The following CHCHD6 variants were observed in gnomAD, a reference collection of about 807,000 sequenced individuals.
CHCHD6 encodes coiled-coil-helix-coiled-coil-helix domain containing 6, also known as MICOS complex subunit MIC25.
CHCHD6 carries 28 observed loss-of-function variants against 32.3 expected under a neutral mutation model. That is an observed-to-expected ratio of 0.87 (90% CI 0.64 to 1.19). The LOEUF (loss-of-function observed/expected upper bound fraction) is 1.19. Among genes scored for constraint, CHCHD6 ranks in the 50% most tolerant of loss-of-function variants. The pLI is 0.00. For missense variants in CHCHD6, 333 were observed against 307.0 expected, an observed-to-expected ratio of 1.08 and a Z score of -0.63; for synonymous variants, 122 against 117.5, an observed-to-expected ratio of 1.04 and a Z score of -0.25.
chr3:126,898,034 C>T (rs949188066), intron 5 of CHCHD6, among the ~76,000 whole-genome samples: 7 of 152,208 alleles, frequency 4.6e-5, no homozygotes, highest in East Asian at 1.9e-4. Flanking sequence ...AAACCTGTCT[C>T]GCAAATACTG....
chr3:126,725,020 ACTT>A (rs1268034641), intron 1 of CHCHD6, among the ~76,000 whole-genome samples: 1 of 152,138 alleles, frequency 6.6e-6, no homozygotes, highest in East Asian at 1.9e-4. Context: ...GTTGGAATCT[ACTT>A]CTTTTAGACT....
At chr3:126,724,037 A>G (rs1182883835) in intron 1 of CHCHD6, among the ~76,000 whole-genome samples, 1 of 152,174 alleles carries the variant, frequency 6.6e-6, no homozygotes, top group Non-Finnish European at 1.5e-5. Context: ...TAAATGAATG[A>G]GAGTTTTGGT....
intron 4 of CHCHD6, among the ~76,000 whole-genome samples, chr3:126,808,912 T>C (rs1447823653): frequency 1.3e-5 from 2 of 152,206 alleles, no homozygotes; most frequent in African/African-American, 2.4e-5. Flanking sequence ...GCAGATGTTA[T>C]TGTCCGCAAG....
intron 6 of CHCHD6, among the ~76,000 whole-genome samples, chr3:126,955,636 C>T (rs1017303555): frequency 6.6e-6 from 1 of 152,174 alleles, no homozygotes; most frequent in Non-Finnish European, 1.5e-5. Context: ...CATCCCTCCC[C>T]GTCTTTAATT....
At chr3:126,862,512 C>T (rs1420465224) in intron 5 of CHCHD6, among the ~76,000 whole-genome samples, 3 of 138,676 alleles carry the variant, frequency 2.2e-5, no homozygotes, top group Admixed American at 7.1e-5. Flanking sequence ...CCCCCTCCTC[C>T]ACCATCACCA....
intron 6 of CHCHD6, among the ~76,000 whole-genome samples, chr3:126,923,023 T>A (rs1350983623): frequency 6.6e-6 from 1 of 152,130 alleles, no homozygotes; most frequent in East Asian, 1.9e-4. Flanking sequence ...TTCTGTCTTG[T>A]CCCCAGGGCA....
At chr3:126,738,965 C>T (rs1246018151) in intron 4 of CHCHD6, among the ~76,000 whole-genome samples, 3 of 152,106 alleles carry the variant, frequency 2.0e-5, no homozygotes, top group African/African-American at 4.8e-5. Context: ...AAGTATACTA[C>T]CTGACATTCA....
At chr3:126,893,498 GT>G (rs2077794775) in intron 5 of CHCHD6, among the ~76,000 whole-genome samples, 2 of 152,214 alleles carry the variant, frequency 1.3e-5, no homozygotes, top group Admixed American at 1.3e-4. Context: ...ATGCCTAATA[GT>G]TTCCATTTCT....
chr3:126,910,183 G>A (rs765891727), intron 5 of CHCHD6, among the ~76,000 whole-genome samples: 61 of 150,038 alleles, frequency 4.1e-4, no homozygotes, highest in Non-Finnish European at 7.4e-4. Flanking sequence ...TGGCTCTGAG[G>A]TGGAGAGATA....
At chr3:126,916,746 G>A (rs2078176878) in intron 6 of CHCHD6, among the ~76,000 whole-genome samples, 1 of 152,234 alleles carries the variant, frequency 6.6e-6, no homozygotes, top group African/African-American at 2.4e-5. Flanking sequence ...TGGAATCACA[G>A]AACATTGAGA....
chr3:126,795,780 C>T (rs1938764244), intron 4 of CHCHD6, among the ~76,000 whole-genome samples: 1 of 152,166 alleles, frequency 6.6e-6, no homozygotes, highest in African/African-American at 2.4e-5. Context: ...TGCCACTTCT[C>T]TCCTGACCTT....
In CHCHD6 at chr3:126,733,097, G is replaced by A; in HGVS notation, c.286G>A (p.Ala96Thr). 3 of 1,614,220 alleles carry A rather than the reference G, an allele frequency of 1.9e-6. No homozygotes were observed. Among genetic ancestry groups the A allele is most frequent in the Non-Finnish European group, 2.5e-6 (3 of 1,180,026 alleles). The change falls in exon 4 of 8, where the codon GCT (alanine) becomes ACT (threonine). Residue 96 changes from alanine to threonine, a missense_variant. Physicochemically the swap from Ala to Thr is moderately conservative, Grantham distance 58 (BLOSUM62 0). Transcript: ENST00000290913. ...GCACAGGTATGAACAGGAGCATGCT[G>A]CTATCCAGGATAAGCTCTTCCAGGT... ...GVKRYEQEHA[A>T]IQDKLFQVAK...
intron 6 of CHCHD6, among the ~76,000 whole-genome samples, chr3:126,928,166 G>A (rs1231227677): frequency 1.3e-5 from 2 of 152,276 alleles, no homozygotes; most frequent in Non-Finnish European, 2.9e-5. Flanking sequence ...GACTGCTGTG[G>A]CAGAGGCTGG....
At chr3:126,949,016 C>T (rs564951298) in intron 6 of CHCHD6, among the ~76,000 whole-genome samples, 4 of 152,362 alleles carry the variant, frequency 2.6e-5, no homozygotes, top group Admixed American at 1.3e-4. Context: ...AAAGGGGCAT[C>T]TCTGCCTTAC....
intron 4 of CHCHD6, among the ~76,000 whole-genome samples, chr3:126,789,728 G>T (rs1203232683): frequency 6.6e-6 from 1 of 152,142 alleles, no homozygotes; most frequent in Non-Finnish European, 1.5e-5. Context: ...CTCTGCACGT[G>T]AGATGGGTTT....
chr3:126,931,868 C>T, intron 6 of CHCHD6, among the ~76,000 whole-genome samples: 1 of 152,220 alleles, frequency 6.6e-6, no homozygotes, highest in South Asian at 2.1e-4. Context: ...AGGCTCGTCT[C>T]ATCTCATCTC....
rs560194011 is a variant in CHCHD6 at position 126,747,772 on chromosome 3, G to T, written c.411+14550G>T. Reference sequence around the variant, plus strand: ...AGCACCCTCCTTCCCTTCATTTCCAGAGACTTCCTCCATGCCCATGTTGCT... The same window carrying T: ...AGCACCCTCCTTCCCTTCATTTCCATAGACTTCCTCCATGCCCATGTTGCT... On this transcript the variant is annotated intron_variant, in intron 4 of 7. Coordinates refer to ENST00000290913, the MANE Select transcript of CHCHD6 (RefSeq NM_032343.3). Among the ~76,000 whole-genome samples, 33 of 152,204 alleles carry T rather than the reference G, an allele frequency of 2.2e-4. No homozygotes were observed. In the South Asian group the frequency reaches 6.8e-3, roughly 32 times the overall value.
At chr3:126,753,220 A>G (rs1354047345) in intron 4 of CHCHD6, among the ~76,000 whole-genome samples, 1 of 152,140 alleles carries the variant, frequency 6.6e-6, no homozygotes, top group African/African-American at 2.4e-5. Flanking sequence ...CATGGAGCAA[A>G]CAGCTAACAT....
intron 5 of CHCHD6, among the ~76,000 whole-genome samples, chr3:126,860,233 G>A (rs1191156459): frequency 1.3e-5 from 2 of 152,154 alleles, no homozygotes; most frequent in Non-Finnish European, 2.9e-5. Context: ...AAACAATACA[G>A]CAGGAAAGCT....
Sources: allele counts gnomAD v4.1 joint callset (sites outside exome capture counted in the v4.1 genomes callset), GRCh38; gene constraint gnomAD v4.1.1; transcripts MANE v1.5; gene names NCBI Gene and HGNC (gene_info 2026-07-23, HGNC 2026-07-21).